The following CDH4 variants were observed in gnomAD, a reference collection of about 807,000 sequenced individuals.
CDH4 encodes the protein cadherin 4, also known as cadherin-4.
A neutral mutation model predicts 86.0 loss-of-function variants in CDH4; 33 were observed. The ratio of observed to expected loss-of-function variants is 0.38; its 90% confidence interval spans 0.29 to 0.51. The LOEUF (loss-of-function observed/expected upper bound fraction) is 0.51. CDH4 is among the 20% of genes least tolerant of loss of function. The probability of loss-of-function intolerance (pLI) is 0.86; values close to 1 mark genes in which losing one functional copy is unlikely to be tolerated. For synonymous variants in CDH4, 555 were observed against 549.4 expected, an observed-to-expected ratio of 1.01 and a Z score of -0.14; for missense variants, 1,114 against 1,307.4, an observed-to-expected ratio of 0.85 and a Z score of 2.28.
chr20:61,670,889 A>G (rs1160940816), intron 2 of CDH4, among the ~76,000 whole-genome samples: 1 of 152,168 alleles, frequency 6.6e-6, no homozygotes, highest in Non-Finnish European at 1.5e-5. Flanking sequence ...CTCAGCTCCA[A>G]GGCCTTCTCC....
At chr20:61,273,327 GTTTGGGAGAGTA>G (rs2084196728) in intron 2 of CDH4, among the ~76,000 whole-genome samples, 2 of 102,466 alleles carry the variant, frequency 2.0e-5, no homozygotes, top group Non-Finnish European at 4.0e-5. Flanking sequence ...ACCATGTGCA[GTTTGGGAGAGTA>G]CCTTGTGCAG....
intron 2 of CDH4, among the ~76,000 whole-genome samples, chr20:61,428,555 C>T (rs6061395): frequency 2.6e-5 from 4 of 152,180 alleles, no homozygotes; most frequent in African/African-American, 9.7e-5. Context: ...ATTCATACTC[C>T]TAGCATGGAA....
chr20:61,567,550 C>G (rs886178297), intron 2 of CDH4, among the ~76,000 whole-genome samples: 17 of 152,218 alleles, frequency 1.1e-4, no homozygotes, highest in African/African-American at 4.1e-4. Flanking sequence ...CTGACATCAT[C>G]ACCTTGGGGC....
intron 2 of CDH4, among the ~76,000 whole-genome samples, chr20:61,352,138 A>G (rs1600892455): frequency 6.6e-6 from 1 of 151,898 alleles, no homozygotes; most frequent in Non-Finnish European, 1.5e-5. Flanking sequence ...CACCGTCTGC[A>G]CTCTGCCCTC....
intron 8 of CDH4, among the ~76,000 whole-genome samples, chr20:61,897,744 C>T (rs1476404408): frequency 6.6e-6 from 1 of 152,220 alleles, no homozygotes; most frequent in African/African-American, 2.4e-5. Flanking sequence ...CAGCCTCGTG[C>T]GCCTCCCAGA....
intron 7 of CDH4, among the ~76,000 whole-genome samples, chr20:61,874,120 C>G (rs533229511): frequency 6.6e-6 from 1 of 152,264 alleles, no homozygotes; most frequent in Non-Finnish European, 1.5e-5. Context: ...CAGAACAGGC[C>G]CAGCTGGTGC....
rs1213826319 is a variant in CDH4, at chr20:61,749,045, A to G, written c.396+5256A>G. Among the ~76,000 whole-genome samples the G allele has an allele frequency of 2.6e-5, 4 of 152,324 alleles. No individual in the cohort carries two copies. In the East Asian group the frequency reaches 7.7e-4, roughly 29 times the overall value. ...TAGCAGTAAAATCCTAGAGAAATAA[A>G]TACCATGCAAGTACCAATCAAAAGG... On this transcript the variant is annotated intron_variant, in intron 3 of 15. Transcript: ENST00000614565.
intron 2 of CDH4, among the ~76,000 whole-genome samples, chr20:61,344,888 C>T (rs765451561): frequency 3.3e-5 from 5 of 152,224 alleles, no homozygotes; most frequent in Admixed American, 1.3e-4. Context: ...AACACTTCCT[C>T]GGCTTTGCGT....
chr20:61,253,815 C>A lies in CDH4; in HGVS notation c.58-1011C>A, dbSNP rs576282722. 9.2e-5 allele frequency among the ~76,000 whole-genome samples: 14 copies of A among 152,152 alleles called. No homozygotes were observed. In the South Asian group the frequency reaches 2.9e-3, roughly 32 times the overall value. ...GCGGCCTCCGGAGTCGAAGCATGGG[C>A]GGGCGACGGCAGCGCGCGGAGCTGG... On this transcript the variant is annotated intron_variant, in intron 1 of 15. Transcript: ENST00000614565.
chr20:61,513,014 A>G (rs1218177978), intron 2 of CDH4, among the ~76,000 whole-genome samples: 1 of 152,240 alleles, frequency 6.6e-6, no homozygotes, highest in Non-Finnish European at 1.5e-5. Flanking sequence ...TTCAAAGCAC[A>G]TGTGCCCTCT....
chr20:61,706,320 G>C (rs377359854), intron 2 of CDH4, among the ~76,000 whole-genome samples: 3 of 152,040 alleles, frequency 2.0e-5, no homozygotes, highest in African/African-American at 4.8e-5. Flanking sequence ...GGGCCGGGGG[G>C]GATGAGAGAC....
intron 2 of CDH4, among the ~76,000 whole-genome samples, chr20:61,271,387 C>T (rs1191741869): frequency 6.6e-6 from 1 of 152,188 alleles, no homozygotes; most frequent in East Asian, 1.9e-4. Flanking sequence ...TAAATCCAGC[C>T]CATTGACAAT....
chr20:61,580,591 C>A (rs2086418947), intron 2 of CDH4, among the ~76,000 whole-genome samples: 1 of 152,196 alleles, frequency 6.6e-6, no homozygotes, highest in East Asian at 1.9e-4. Context: ...TTCTCAGCTG[C>A]CTTGCTGTGC....
At chr20:61,934,430 G>C (rs542492408) in intron 15 of CDH4, among the ~76,000 whole-genome samples, 39 of 152,330 alleles carry the variant, frequency 2.6e-4, no homozygotes, top group African/African-American at 8.4e-4. Context: ...CCAAGGATGA[G>C]GATTCCTCCC....
chr20:61,356,332 A>G (rs2084750169), intron 2 of CDH4, among the ~76,000 whole-genome samples: 2 of 152,286 alleles, frequency 1.3e-5, no homozygotes, highest in African/African-American at 4.8e-5. Flanking sequence ...GCAGCAGGCC[A>G]TTCCCCGGCG....
rs1033403228 is a variant in CDH4, at chr20:61,480,809, T to C, written c.169+225872T>C. ...ATCCAGTTTCCACACCTGCTGGTTG[T>C]TTGAAGTTAAGAAGTTCATGCCCCA... is the stretch of plus-strand genomic sequence containing the variant. On this transcript the variant is annotated intron_variant, in intron 2 of 15. Coordinates refer to ENST00000614565, the MANE Select transcript of CDH4 (RefSeq NM_001794.5). The surrounding 1 kb of genome is among the most constrained non-coding windows in gnomAD (Gnocchi z 5.2). 6.6e-6 allele frequency among the ~76,000 whole-genome samples: 1 copy of C among 152,232 alleles called. No homozygotes were observed. The highest frequency in any genetic ancestry group is 2.4e-5 in the African/African-American group (1 of 41,458).
chr20:61,552,719 AAAAAAC>A (rs538613820), intron 2 of CDH4, among the ~76,000 whole-genome samples: 15 of 152,274 alleles, frequency 9.9e-5, no homozygotes, highest in East Asian at 7.7e-4. Flanking sequence ...AAATGAAAGA[AAAAAAC>A]AAAAACAAAA....
At chr20:61,361,597 C>T (rs1216930544) in intron 2 of CDH4, among the ~76,000 whole-genome samples, 1 of 152,140 alleles carries the variant, frequency 6.6e-6, no homozygotes, top group Non-Finnish European at 1.5e-5. Flanking sequence ...CTTTGGTTTC[C>T]GACAGTCGTG....
intron 2 of CDH4, among the ~76,000 whole-genome samples, chr20:61,293,471 G>A (rs1427698536): frequency 4.6e-5 from 7 of 152,178 alleles, no homozygotes; most frequent in African/African-American, 1.4e-4. Context: ...TTCTGGGGAA[G>A]GAAGGTCAGT....
Sources: allele counts gnomAD v4.1 joint callset (sites outside exome capture counted in the v4.1 genomes callset), GRCh38; gene constraint gnomAD v4.1.1; non-coding constraint Gnocchi (gnomAD v3.1); transcripts MANE v1.5; gene names NCBI Gene and HGNC (gene_info 2026-07-23, HGNC 2026-07-21).